BTNL3: variants seen among roughly 807,000 people sequenced by gnomAD.
BTNL3 encodes butyrophilin-like protein 3.
A neutral mutation model predicts 40.1 loss-of-function variants in BTNL3; 20 were observed. The ratio of observed to expected loss-of-function variants is 0.50; its 90% CI spans 0.35 to 0.72. The LOEUF is 0.72. Among genes scored for constraint, BTNL3 ranks in the 30% least tolerant of loss-of-function variants. The pLI is 0.01. For missense variants in BTNL3, 449 were observed against 582.2 expected, an observed-to-expected ratio of 0.77 and a Z score of 2.35; for synonymous variants, 179 against 222.1, an observed-to-expected ratio of 0.81 and a Z score of 1.73.
rs559841047 is a variant in BTNL3, at chr5:181,004,052, G to A, written c.808+176G>A. On this transcript the variant is annotated intron_variant, in intron 5 of 7. Transcript: ENST00000342868. ...TCATGAGTTACCCCTCGGACATCTGGAGGGCTTAGGATAGGCCCCGGGGCC... is the reference window on the plus strand; with the variant it reads ...TCATGAGTTACCCCTCGGACATCTGAAGGGCTTAGGATAGGCCCCGGGGCC... The A allele has an allele frequency of 9.7e-6, 15 of 1,546,934 alleles. No homozygotes were observed. In the African/African-American group the frequency reaches 1.6e-4, roughly 17 times the overall value.
At chr5:181,003,917 G>T (rs771513604) in intron 5 of BTNL3, 41 bp downstream of exon 5, 2 of 1,613,808 alleles carry the variant, frequency 1.2e-6, no homozygotes, top group Admixed American at 3.3e-5. Flanking sequence ...TGGTTCTCCC[G>T]GGTCCCTCCC....
intron 1 of BTNL3, among the ~76,000 whole-genome samples, chr5:180,991,804 T>C (rs1481930458): frequency 7.4e-6 from 1 of 135,788 alleles, no homozygotes; most frequent in African/African-American, 2.5e-5. Flanking sequence ...ACCAAGAAAA[T>C]ACAAACAAAA....
intron 2 of BTNL3, 29 bp from the exon 3 acceptor site, chr5:180,997,184 G>T: frequency 6.8e-7 from 1 of 1,463,006 alleles, no homozygotes; most frequent in Non-Finnish European, 9.4e-7. Context: ...TTTGGTCTTT[G>T]CTTTCATCTT....
In BTNL3 at chr5:181,006,093, G is replaced by A. The variant is rs572570095; in HGVS notation, c.*221G>A. On this transcript the variant is annotated 3_prime_UTR_variant, in exon 8 of 8. Transcript: ENST00000342868. Reference sequence around the variant, plus strand: ...GGGGGATTGGCCTGACCCTGTGGGAGTCAGAAGCCATGGCTGCCCTGAAGT... The same window carrying A: ...GGGGGATTGGCCTGACCCTGTGGGAATCAGAAGCCATGGCTGCCCTGAAGT... 3 of 517,684 alleles carry A rather than the reference G, an allele frequency of 5.8e-6. No individual in the cohort carries two copies. Among genetic ancestry groups the A allele is most frequent in the East Asian group, 6.0e-5 (2 of 33,500 alleles). 32.1% of individuals were successfully genotyped at this position (517,684 alleles called of 1,614,324 possible). A position where few individuals can be genotyped will look rare whatever the true frequency, so the allele number is the denominator to read the frequency against.
At chr5:181,004,801 G>C in intron 7 of BTNL3, 39 bp downstream of exon 7, 1 of 1,614,056 alleles carries the variant, frequency 6.2e-7, no homozygotes, top group South Asian at 1.1e-5. Flanking sequence ...GCATGGAGTA[G>C]GAAGATGACC....
In BTNL3 at chr5:180,993,932, C is replaced by T. The variant is rs1760004028; in HGVS notation, c.397+772C>T. ...TCTTGTACCTCAGCCTCCTGAGTAG[C>T]TCAGATTACAGGCATGCGCCACCAC... On this transcript the variant is annotated intron_variant, in intron 2 of 7. Transcript: ENST00000342868. Among the ~76,000 whole-genome samples, 2 of 136,696 alleles carry T rather than the reference C, an allele frequency of 1.5e-5. 1 individual carries two copies. Among genetic ancestry groups the T allele is most frequent in the South Asian group, 4.3e-4 (2 of 4,624 alleles). The allele number at this position is 136,696 out of a possible 152,430, so 89.7% of individuals were successfully genotyped here. A position where few individuals can be genotyped will look rare whatever the true frequency, so the allele number is the denominator to read the frequency against.
chr5:180,993,178 G>T lies in BTNL3; in HGVS notation c.397+18G>T. ...GGTGGCAGGTCAGTTGTTTATTTAT[G>T]ACTGAGTTGTCTTGTAAAGTCATGC... On this transcript the variant is annotated intron_variant, in intron 2 of 7. Transcript: ENST00000342868. The T allele has an allele frequency of 7.1e-7, 1 of 1,417,874 alleles. No individual in the cohort carries two copies. The highest frequency in any genetic ancestry group is 1.2e-5 in the South Asian group (1 of 83,926). The allele number at this position is 1,417,874 out of a possible 1,614,324, so 87.8% of individuals were successfully genotyped here. A position where few individuals can be genotyped will look rare whatever the true frequency, so the allele number is the denominator to read the frequency against.
chr5:181,002,744 G>A lies in BTNL3; in HGVS notation c.746G>A (p.Gly249Asp), dbSNP rs1365788387. ...LLGLLCGALC[G>D]VVMGMIIVFF... ...GGGTTACTCTGTGGTGCCCTGTGTG[G>A]TGTTGTCATGGGGATGATAATTGTT... The change falls in exon 4 of 8, where the codon GGT becomes GAT. Residue 249 changes from glycine to aspartate, a missense_variant. By Grantham distance (94) the Gly-to-Asp change is moderately conservative. This residue lies in a region of BTNL3 where 323 missense variants were observed against 464.9 expected (regional missense o/e 0.69). Transcript: ENST00000342868. The A allele has an allele frequency of 3.4e-6, 5 of 1,455,898 alleles. 1 individual carries two copies. In the Admixed American group the frequency reaches 9.5e-5, roughly 28 times the overall value. The allele number at this position is 1,455,898 out of a possible 1,614,324, so 90.2% of individuals were successfully genotyped here. A position where few individuals can be genotyped will look rare whatever the true frequency, so the allele number is the denominator to read the frequency against.
chr5:180,997,082 G>C (rs1174414402), intron 2 of BTNL3, 131 bp from the exon 3 acceptor site: 3 of 1,219,004 alleles, frequency 2.5e-6, no homozygotes, highest in South Asian at 1.3e-5. Context: ...AAAAGGATGT[G>C]TGTGTGTGAG....
rs957365200 is a variant in BTNL3, at chr5:180,997,126, A to T, written c.398-87A>T. On this transcript the variant is annotated intron_variant, in intron 2 of 7. Coordinates refer to ENST00000342868, the MANE Select transcript of BTNL3 (RefSeq NM_197975.3). ...AGAGAGAAAAGGATGTATGTGTGTT[A>T]TGGGTACAGGCTTGATGAACCAGAC... 2 of 1,428,770 alleles carry T rather than the reference A, an allele frequency of 1.4e-6. 1 individual carries two copies. The highest frequency in any genetic ancestry group is 3.8e-5 in the Admixed American group (2 of 52,408). 88.5% of individuals were successfully genotyped at this position (1,428,770 alleles called of 1,614,324 possible). A position where few individuals can be genotyped will look rare whatever the true frequency, so the allele number is the denominator to read the frequency against.
At position 181,002,873 on chromosome 5, in the gene BTNL3, C is replaced by G. The variant is rs1355744872; in HGVS notation, c.787+88C>G. On this transcript the variant is annotated intron_variant, in intron 4 of 7. Coordinates refer to ENST00000342868, the MANE Select transcript of BTNL3 (RefSeq NM_197975.3). ...GGCTGCCCTCACACACCTCTGGGCT[C>G]TGCTCTTCCAGCCCTAGGCCTACAG... 6 of 1,364,924 alleles carry G rather than the reference C, an allele frequency of 4.4e-6. 1 individual carries two copies. The Admixed American group carries it at 6.2e-5, about 14-fold the overall frequency. The allele number at this position is 1,364,924 out of a possible 1,614,324, so 84.6% of individuals were successfully genotyped here. A position where few individuals can be genotyped will look rare whatever the true frequency, so the allele number is the denominator to read the frequency against.
At chr5:181,003,814 A>T in intron 4 of BTNL3, 42 bp from the exon 5 acceptor site, 1 of 1,614,102 alleles carries the variant, frequency 6.2e-7, no homozygotes, top group Non-Finnish European at 8.5e-7. Context: ...TGTACCTTGC[A>T]CACTCCTGTG....
intron 7 of BTNL3, 35 bp downstream of exon 7, chr5:181,004,797 A>T (rs1017557264): frequency 8.1e-6 from 13 of 1,614,112 alleles, no homozygotes; most frequent in Non-Finnish European, 1.0e-5. Flanking sequence ...GTGGGCATGG[A>T]GTAGGAAGAT....
Position 181,006,536 on chromosome 5 carries a change from C to T in BTNL3, c.*664C>T, listed in dbSNP as rs1760237508. The T allele has an allele frequency of 6.6e-6, 1 of 152,454 alleles. No individual in the cohort carries two copies. The highest frequency in any genetic ancestry group is 1.9e-4 in the East Asian group (1 of 5,182). The allele number at this position is 152,454 out of a possible 1,614,324, so 9.4% of individuals were successfully genotyped here. ...AACAGAAGAAGAGGAAGGAAAACTA[C>T]AGGTCCATATCCCTCATTAACACAG... On this transcript the variant is annotated 3_prime_UTR_variant, in exon 8 of 8. Coordinates refer to ENST00000342868, the MANE Select transcript of BTNL3 (RefSeq NM_197975.3).
chr5:181,004,075 G>A (rs1007664257), intron 5 of BTNL3, 199 bp downstream of exon 5: 386 of 1,469,970 alleles, frequency 2.6e-4, no homozygotes, highest in Non-Finnish European at 3.5e-4. Flanking sequence ...AGGCCCCGGG[G>A]CCTGGAAGTC....
At position 181,003,967 on chromosome 5, in the gene BTNL3, G is replaced by T. The variant is rs750140786; in HGVS notation, c.808+91G>T. 15 of 1,611,154 alleles carry T rather than the reference G, an allele frequency of 9.3e-6. No individual in the cohort carries two copies. The Admixed American group carries it at 1.5e-4, about 16-fold the overall frequency. On this transcript the variant is annotated intron_variant, in intron 5 of 7. Transcript: ENST00000342868. ...AGCCTCTGGACGACCCTGGCTGCAG[G>T]CTGGACAGGAAGCACCGGCAGGTGG...
rs1477493381 is a variant in BTNL3 at position 180,997,219 on chromosome 5, G to A, written c.404G>A (p.Gly135Asp). 6.1e-6 allele frequency: 9 copies of A among 1,463,986 alleles called. 3 individuals carry two copies. The African/African-American group carries it at 8.3e-5, about 13-fold the overall frequency. 90.7% of individuals were successfully genotyped at this position (1,463,986 alleles called of 1,614,324 possible). Reference sequence around the variant, plus strand: ...TTCCCTGTTTTCTTCCCAGCACTGGGCTCACTTCCTCTCATTTCCATCGTG... The same window carrying A: ...TTCCCTGTTTTCTTCCCAGCACTGGACTCACTTCCTCTCATTTCCATCGTG... ...ATWELRVAAL[G>D]SLPLISIVGY... The change falls in exon 3 of 8, where the codon GGC becomes GAC. Residue 135 changes from glycine (G) to aspartate (D), a missense_variant. Gly to Asp is a moderately conservative substitution (Grantham distance 94). Around this residue, in one of 2 missense-constraint regions of BTNL3, gnomAD observed 323 missense variants for 464.9 expected, o/e 0.69. Transcript: ENST00000342868.
At chr5:180,996,424 G>A (rs1017325325) in intron 2 of BTNL3, among the ~76,000 whole-genome samples, 1 of 135,798 alleles carries the variant, frequency 7.4e-6, no homozygotes, top group African/African-American at 2.5e-5. Flanking sequence ...TACAGGCCTT[G>A]CCATAACTCC....
At position 180,992,889 on chromosome 5, in the gene BTNL3, C is replaced by G. The variant is rs1561958754; in HGVS notation, c.126C>G (p.Leu42=). Residue 42 remains leucine, a synonymous_variant, in exon 2 of 8, where the codon CTC becomes CTG. Transcript: ENST00000342868. The stretch of plus-strand genomic sequence containing the variant: ...AGGACGCCGTGTTCTCCTGCTCCCT[C>G]TTTCCTGAGACCAGTGCAGAGGCTA... ...VGEDAVFSCS[L]FPETSAEAME... is the part of the protein sequence containing the mutation. The G allele has an allele frequency of 6.8e-7, 1 of 1,463,456 alleles. No homozygotes were observed. Among genetic ancestry groups the G allele is most frequent in the East Asian group, 2.4e-5 (1 of 40,994 alleles). The allele number at this position is 1,463,456 out of a possible 1,614,324, so 90.7% of individuals were successfully genotyped here.
Sources: allele counts gnomAD v4.1 joint callset (sites outside exome capture counted in the v4.1 genomes callset), GRCh38; gene constraint gnomAD v4.1.1; regional missense constraint gnomAD v4.1.1; transcripts MANE v1.5; gene names NCBI Gene and HGNC (gene_info 2026-07-23, HGNC 2026-07-21).